FANCI: variants seen among roughly 807,000 people sequenced by gnomAD.
The protein encoded by FANCI is Fanconi anemia group I protein.
Under a neutral mutation model 176.1 loss-of-function variants are expected in FANCI, and 156 were observed. The ratio of observed to expected loss-of-function variants is 0.89; its 90% confidence interval spans 0.78 to 1.01. The LOEUF is 1.01. Among genes scored for constraint, FANCI ranks in the 50% least tolerant of loss-of-function variants. The pLI is 0.00. For synonymous variants in FANCI, 613 were observed against 541.7 expected, an observed-to-expected ratio of 1.13 and a Z score of -1.83; for missense variants, 1,678 against 1,534.1, an observed-to-expected ratio of 1.09 and a Z score of -1.57.
intron 18 of FANCI, among the ~76,000 whole-genome samples, chr15:89,289,290 C>T (rs139332554): frequency 1.3e-5 from 2 of 151,950 alleles, no homozygotes; most frequent in Admixed American, 1.3e-4. Context: ...TTTCCCCTTT[C>T]CCCTTTTTCC....
At chr15:89,291,900 A>T (rs2054084482) in intron 20 of FANCI, among the ~76,000 whole-genome samples, 186 bp downstream of exon 20, 1 of 152,212 alleles carries the variant, frequency 6.6e-6, no homozygotes, top group South Asian at 2.1e-4. Flanking sequence ...AGTTATCTCC[A>T]TGTTAGCCCT....
At chr15:89,271,344 C>A (rs560305637) in intron 10 of FANCI, among the ~76,000 whole-genome samples, 25 of 152,228 alleles carry the variant, frequency 1.6e-4, no homozygotes, top group Admixed American at 6.5e-4. Context: ...AACCACTAAT[C>A]TACTTTCTGT....
intron 34 of FANCI, chr15:89,307,968 A>G (rs1005964356): frequency 3.8e-5 from 49 of 1,288,450 alleles, no homozygotes; most frequent in Non-Finnish European, 4.5e-5. Flanking sequence ...TGGGTGACTG[A>G]AAGTCCATGC....
intron 34 of FANCI, among the ~76,000 whole-genome samples, chr15:89,312,057 T>A (rs8025286): frequency 0.044 from 6,730 of 152,278 alleles, 514 homozygotes; most frequent in African/African-American, 0.15. Flanking sequence ...GTGACCCTTT[T>A]AACCCTTCTT....
Position 89,293,830 on chromosome 15 carries a change from C to T in FANCI, c.2292-3C>T, listed in dbSNP as rs1275124988. On this transcript the variant is annotated splice_region_variant and splice_polypyrimidine_tract_variant and intron_variant, in intron 22 of 37. Coordinates refer to ENST00000310775, the MANE Select transcript of FANCI (RefSeq NM_001113378.2). ...TTAGCGGTCTCTTTTTTGTTTTTTA[C>T]AGTAAGAATAGGTTTGAGGACATTC... 4 of 1,612,922 alleles carry T rather than the reference C, an allele frequency of 2.5e-6. No homozygotes were observed. Among genetic ancestry groups the T allele is most frequent in the Non-Finnish European group, 3.4e-6 (4 of 1,179,720 alleles).
In FANCI at chr15:89,261,605, A is replaced by T; in HGVS notation, c.309A>T (p.Pro103=). 1.9e-6 allele frequency: 3 copies of T among 1,614,170 alleles called. No individual in the cohort carries two copies. The highest frequency in any genetic ancestry group is 2.5e-6 in the Non-Finnish European group (3 of 1,180,022). The change falls in exon 5 of 38, where the codon CCA becomes CCT. Residue 103 remains proline, a synonymous_variant. Coordinates refer to ENST00000310775, the MANE Select transcript of FANCI (RefSeq NM_001113378.2). ...LMLEAHHFPG[P]LLVELANEFI... The stretch of plus-strand genomic sequence containing the variant: ...TTTAGGCTCACCATTTTCCAGGACC[A>T]TTATTGGTTGAATTAGCCAATGAGT...
chr15:89,280,764 T>A (rs2053583778), intron 14 of FANCI, among the ~76,000 whole-genome samples: 1 of 152,224 alleles, frequency 6.6e-6, no homozygotes, highest in South Asian at 2.1e-4. Flanking sequence ...CCAACTAAAT[T>A]ATTAAAATTT....
chr15:89,256,240 A>G (rs902869716), intron 2 of FANCI, among the ~76,000 whole-genome samples: 4 of 152,140 alleles, frequency 2.6e-5, no homozygotes, highest in East Asian at 3.8e-4. Context: ...ACCTCTACCC[A>G]CTAGATTCCA....
rs551197790 is a variant in FANCI at position 89,286,611 on chromosome 15, T to C, written c.1821+1393T>C. Among the ~76,000 whole-genome samples the C allele has an allele frequency of 1.8e-3, 267 of 152,292 alleles. 1 individual carries two copies. Among genetic ancestry groups the C allele is most frequent in the Admixed American group, 3.5e-3 (53 of 15,300 alleles). On this transcript the variant is annotated intron_variant, in intron 18 of 37. Transcript: ENST00000310775. ...TGGGCTTAAAATATTCAGCAAACCATGCTATAAACAGATGTGTTATCATGC... is the reference window on the plus strand; with the variant it reads ...TGGGCTTAAAATATTCAGCAAACCACGCTATAAACAGATGTGTTATCATGC...
chr15:89,266,673 T>C (rs1431314432), intron 9 of FANCI, among the ~76,000 whole-genome samples: 1 of 151,760 alleles, frequency 6.6e-6, no homozygotes, highest in Non-Finnish European at 1.5e-5. Flanking sequence ...ATGGTCTCAC[T>C]GTGTTGCCCA....
chr15:89,251,714 A>G (rs2052259611), intron 2 of FANCI, among the ~76,000 whole-genome samples: 1 of 152,230 alleles, frequency 6.6e-6, no homozygotes, highest in Non-Finnish European at 1.5e-5. Flanking sequence ...TTGAAAGTAT[A>G]TTACTATAAA....
At chr15:89,307,167 C>G (rs1358786839) in intron 32 of FANCI, among the ~76,000 whole-genome samples, 2 of 152,146 alleles carry the variant, frequency 1.3e-5, no homozygotes, top group African/African-American at 4.8e-5. Context: ...ATACTGAGAG[C>G]CTCTTCTCTT....
At chr15:89,270,645 A>G (rs187841961) in intron 10 of FANCI, among the ~76,000 whole-genome samples, 136 of 151,812 alleles carry the variant, frequency 9.0e-4, no homozygotes, top group African/African-American at 3.2e-3. Context: ...TCCTTTCCCT[A>G]TTGTTTTGAA....
chr15:89,257,392 G>A (rs1052342830), intron 2 of FANCI, among the ~76,000 whole-genome samples: 2 of 152,202 alleles, frequency 1.3e-5, no homozygotes, highest in Non-Finnish European at 2.9e-5. Context: ...ATGTTTCACA[G>A]TTCTGGAGAC....
chr15:89,316,190 G>C (rs1236310780), intron 37 of FANCI: 2 of 600,516 alleles, frequency 3.3e-6, no homozygotes, highest in African/African-American at 1.9e-5. Context: ...GTCCTAAAAG[G>C]AGGTGCCACT....
intron 23 of FANCI, 37 bp from the exon 24 acceptor site, chr15:89,294,878 T>A (rs1256355760): frequency 1.3e-6 from 2 of 1,543,590 alleles, no homozygotes; most frequent in Admixed American, 4.0e-5. Flanking sequence ...AGTAAGGGAA[T>A]CTTCCTTTTT....
At chr15:89,260,959 C>CACTATTTCTTT in intron 4 of FANCI, 116 bp downstream of exon 4, 1 of 1,315,896 alleles carries the variant, frequency 7.6e-7, no homozygotes, top group Non-Finnish European at 1.1e-6. Context: ...ATGAGTAAGA[C>CACTATTTCTTT]CTGTTGTTAA....
chr15:89,281,850 T>C lies in FANCI; in HGVS notation c.1583+15T>C. 6.2e-7 allele frequency: 1 copy of C among 1,612,056 alleles called. No individual in the cohort carries two copies. Among genetic ancestry groups the C allele is most frequent in the South Asian group, 1.1e-5 (1 of 91,038 alleles). ...ATGTTTGCCAAGTATGTAGCATCTT[T>C]TTCTATCATAGGAAGACGTTGTCTT... On this transcript the variant is annotated intron_variant, in intron 16 of 37. Coordinates refer to ENST00000310775, the MANE Select transcript of FANCI (RefSeq NM_001113378.2).
chr15:89,310,719 C>T (rs2054921238), intron 34 of FANCI, among the ~76,000 whole-genome samples: 1 of 152,248 alleles, frequency 6.6e-6, no homozygotes, highest in African/African-American at 2.4e-5. Flanking sequence ...TGTTAATTCT[C>T]TTGTAGCCCC....
Sources: gnomAD v4.1 joint callset for allele counts (sites outside exome capture counted in the v4.1 genomes callset) on GRCh38, gnomAD v4.1.1 for gene constraint, MANE v1.5 for transcripts, NCBI Gene and HGNC (gene_info 2026-07-23, HGNC 2026-07-21) for gene names.